The following FRMPD4 variants were observed in gnomAD, a reference collection of about 807,000 sequenced individuals.
FRMPD4 encodes FERM and PDZ domain containing 4, also known as FERM and PDZ domain-containing protein 4.
A neutral mutation model predicts 94.1 loss-of-function variants in FRMPD4; 22 were observed. The observed-to-expected ratio is 0.23, with a 90% CI of 0.17 to 0.33. The LOEUF is 0.33. Among genes scored for constraint, FRMPD4 ranks in the 10% least tolerant of loss-of-function variants. The pLI is 1.00. For synonymous variants in FRMPD4, 631 were observed against 548.6 expected, an observed-to-expected ratio of 1.15 and a Z score of -2.10; for missense variants, 1,111 against 1,339.9, an observed-to-expected ratio of 0.83 and a Z score of 2.67.
At chrX:12,058,116 G>T (rs755379252) in intron 3 of FRMPD4, among the ~76,000 whole-genome samples, 2 of 111,278 alleles carry the variant, frequency 1.8e-5, no homozygotes, top group African/African-American at 6.5e-5. Flanking sequence ...GTAGTGGCCC[G>T]GGACAAAGTC....
rs142378890 is a variant in FRMPD4 at position 12,673,724 on chromosome X, G to A, written c.423-1139G>A. ...GAGCAGACTGGCCACCATCAGCACT[G>A]TGCTACCTTCCTGCCCCCACCAGCA... is the stretch of plus-strand genomic sequence containing the variant. On this transcript the variant is annotated intron_variant, in intron 4 of 16. Coordinates refer to ENST00000675598, the MANE Select transcript of FRMPD4 (RefSeq NM_001368397.1). Among the ~76,000 whole-genome samples, 893 of 111,796 alleles carry A rather than the reference G, an allele frequency of 8.0e-3. 4 individuals carry two copies. Among genetic ancestry groups the A allele is most frequent in the Non-Finnish European group, 0.012 (641 of 53,122 alleles).
chrX:12,476,678 A>G (rs369155024), intron 1 of FRMPD4, among the ~76,000 whole-genome samples: 42 of 112,424 alleles, frequency 3.7e-4, no homozygotes, highest in Non-Finnish European at 5.4e-4. Context: ...ACTTCTCAAA[A>G]GAAGACATTT....
At chrX:12,191,418 CAT>C (rs1286823574) in intron 1 of FRMPD4, among the ~76,000 whole-genome samples, 11 of 112,090 alleles carry the variant, frequency 9.8e-5, no homozygotes, top group Middle Eastern at 4.6e-3. Flanking sequence ...GAGTTGAAAA[CAT>C]GTGTCCAAAC....
chrX:12,007,233 G>T (rs971668169), intron 3 of FRMPD4, among the ~76,000 whole-genome samples: 1 of 111,369 alleles, frequency 9.0e-6, no homozygotes, highest in African/African-American at 3.3e-5. Context: ...ACTAAGACTA[G>T]CTAGTGTCAG....
chrX:12,553,113 T>A (rs2058554046), intron 2 of FRMPD4, among the ~76,000 whole-genome samples: 1 of 110,736 alleles, frequency 9.0e-6, no homozygotes, highest in Admixed American at 9.7e-5. Flanking sequence ...GAGCCATGAT[T>A]GTGCCATTGC....
At chrX:12,304,912 T>C (rs1186836336) in intron 1 of FRMPD4, among the ~76,000 whole-genome samples, 1 of 111,823 alleles carries the variant, frequency 8.9e-6, no homozygotes, top group African/African-American at 3.3e-5. Context: ...TATTGTAAAA[T>C]ATGAACATTG....
At chrX:12,120,606 T>G (rs1202918763) in intron 3 of FRMPD4, among the ~76,000 whole-genome samples, 3 of 111,958 alleles carry the variant, frequency 2.7e-5, no homozygotes, top group Non-Finnish European at 5.6e-5. Flanking sequence ...GTGGACTAAG[T>G]AGACATTTCA....
At position 11,954,676 on chromosome X, in the gene FRMPD4, T is replaced by C. The variant is rs1156451507; in HGVS notation, c.95+76658T>C. Among the ~76,000 whole-genome samples, 4 of 111,747 alleles carry C rather than the reference T, an allele frequency of 3.6e-5. No individual in the cohort carries two copies. The Admixed American group carries it at 3.8e-4, about 11-fold the overall frequency. ...GCTGCCTACAGCCTCTATAAAATAA[T>C]GGAAATCCTTTCTAATATCATCTTG... On this transcript the variant is annotated intron_variant, in intron 3 of 18. Transcript: ENST00000640291.
At chrX:12,601,763 G>C (rs1195916224) in intron 2 of FRMPD4, among the ~76,000 whole-genome samples, 2 of 111,475 alleles carry the variant, frequency 1.8e-5, no homozygotes, top group Non-Finnish European at 1.9e-5. Flanking sequence ...AAGATACCCT[G>C]ATCCAAATCT....
At chrX:12,263,531 A>G (rs1287928207) in intron 1 of FRMPD4, among the ~76,000 whole-genome samples, 1 of 111,931 alleles carries the variant, frequency 8.9e-6, no homozygotes, top group Non-Finnish European at 1.9e-5. Flanking sequence ...AATGTCTCTT[A>G]CTAAAGGCCT....
intron 1 of FRMPD4, among the ~76,000 whole-genome samples, chrX:12,390,751 A>G (rs1356782329): frequency 8.9e-6 from 1 of 111,903 alleles, no homozygotes; most frequent in African/African-American, 3.2e-5. Flanking sequence ...CTCCATCGAT[A>G]TGGCCAATTT....
At chrX:12,604,188 C>A (rs147988297) in intron 2 of FRMPD4, among the ~76,000 whole-genome samples, 6,142 of 110,092 alleles carry the variant, frequency 0.056, 446 homozygotes, top group African/African-American at 0.19. Flanking sequence ...CAGAGAATGG[C>A]AGCATCTGAG....
intron 3 of FRMPD4, among the ~76,000 whole-genome samples, chrX:11,880,724 C>T (rs925644156): frequency 9.0e-6 from 1 of 111,672 alleles, no homozygotes; most frequent in Non-Finnish European, 1.9e-5. Context: ...TTCACTGCAA[C>T]CTCTGCCTCC....
intron 3 of FRMPD4, among the ~76,000 whole-genome samples, chrX:11,970,328 G>T (rs2054333402): frequency 9.0e-6 from 1 of 111,679 alleles, no homozygotes; most frequent in Admixed American, 9.5e-5. Flanking sequence ...TTGTATAGTT[G>T]ATCACAACCA....
intron 3 of FRMPD4, among the ~76,000 whole-genome samples, chrX:12,045,095 A>C (rs2054778445): frequency 8.9e-6 from 1 of 112,297 alleles, no homozygotes; most frequent in African/African-American, 3.2e-5. Context: ...TTTGGAAATT[A>C]TATAAAATTC....
chrX:12,584,001 C>T (rs2058896720), intron 2 of FRMPD4, among the ~76,000 whole-genome samples: 1 of 111,664 alleles, frequency 9.0e-6, no homozygotes, highest in South Asian at 3.8e-4. Context: ...ACCCGCGGCT[C>T]CACTTTGCTG....
Position 12,704,396 on chromosome X carries a change from G to C in FRMPD4, c.1108G>C (p.Val370Leu), listed in dbSNP as rs781177447. Residue 370 changes from valine (V) to leucine (L), a missense_variant, in exon 11 of 17, where the codon GTG becomes CTG. Transcript: ENST00000675598. ...ATTAGAGACTTTTCTTCCCTCTGCTGTGCTGCAAAGCATGAAAGAGAAGAA... is the reference window on the plus strand; with the variant it reads ...ATTAGAGACTTTTCTTCCCTCTGCTCTGCTGCAAAGCATGAAAGAGAAGAA... ...WGLETFLPSAVLQSMKEKNIK... is the reference protein window; with the variant it reads ...WGLETFLPSALLQSMKEKNIK... 5 of 1,181,968 alleles carry C rather than the reference G, an allele frequency of 4.2e-6. No homozygotes were observed. In the African/African-American group the frequency reaches 8.8e-5, roughly 21 times the overall value.
At chrX:12,023,137 T>G (rs1435571138) in intron 3 of FRMPD4, among the ~76,000 whole-genome samples, 2 of 111,689 alleles carry the variant, frequency 1.8e-5, no homozygotes, top group African/African-American at 3.3e-5. Flanking sequence ...GAAAGCTCCC[T>G]CATCCCTTCT....
rs780141484 is a variant in FRMPD4 at position 12,341,340 on chromosome X, A to AG, written c.42-157340_42-157339insG. Among the ~76,000 whole-genome samples, 721 of 98,241 alleles carry AG rather than the reference A, an allele frequency of 7.3e-3. 5 individuals are homozygous for AG. Among genetic ancestry groups the AG allele is most frequent in the African/African-American group, 0.039 (696 of 17,978 alleles). 85.3% of individuals were successfully genotyped at this position (98,241 alleles called of 115,157 possible). Reference sequence around the variant, plus strand: ...TTAATGAAATATTGTCCTACCTTGAACCATTTTTTTTTTCTTCATGGGTAA... The same window carrying AG: ...TTAATGAAATATTGTCCTACCTTGAAGCCATTTTTTTTTTCTTCATGGGTAA... On this transcript the variant is annotated intron_variant, in intron 1 of 16. Coordinates refer to ENST00000675598, the MANE Select transcript of FRMPD4 (RefSeq NM_001368397.1).
Sources: gnomAD v4.1 joint callset for allele counts (sites outside exome capture counted in the v4.1 genomes callset) on GRCh38, gnomAD v4.1.1 for gene constraint, MANE v1.5 for transcripts, NCBI Gene and HGNC (gene_info 2026-07-23, HGNC 2026-07-21) for gene names.